Variants in ANO5 observed in about 807,000 individuals in gnomAD.
ANO5 encodes the protein anoctamin 5.
Under a neutral mutation model 121.0 loss-of-function variants are expected in ANO5, and 109 were observed. That is an observed-to-expected ratio of 0.90 (90% CI 0.77 to 1.06). The LOEUF (loss-of-function observed/expected upper bound fraction) is 1.06. Among genes scored for constraint, ANO5 ranks in the 50% least tolerant of loss-of-function variants. The probability of loss-of-function intolerance (pLI) is 0.00; values close to 1 mark genes in which losing one functional copy is unlikely to be tolerated. For missense variants in ANO5, 1,064 were observed against 1,078.5 expected, an observed-to-expected ratio of 0.99 and a Z score of 0.19; for synonymous variants, 406 against 359.9, an observed-to-expected ratio of 1.13 and a Z score of -1.45.
intron 12 of ANO5, among the ~76,000 whole-genome samples, chr11:22,254,137 C>T (rs770920984): frequency 6.6e-6 from 1 of 151,260 alleles, no homozygotes; most frequent in Non-Finnish European, 1.5e-5. Context: ...AATAAACAAA[C>T]AAAAAAACAA....
chr11:22,232,911 G>A (rs1454837220), intron 7 of ANO5, among the ~76,000 whole-genome samples: 1 of 151,760 alleles, frequency 6.6e-6, no homozygotes, highest in Non-Finnish European at 1.5e-5. Context: ...CTTAAAACAG[G>A]GACAGTTAAA....
chr11:22,200,725 T>C (rs964013246), intron 1 of ANO5, among the ~76,000 whole-genome samples: 1 of 152,166 alleles, frequency 6.6e-6, no homozygotes, highest in African/African-American at 2.4e-5. Context: ...ACAAATATGG[T>C]TTTAATATTA....
At chr11:22,259,936 G>A (rs1308087855) in intron 15 of ANO5, among the ~76,000 whole-genome samples, 195 bp downstream of exon 15, 2 of 129,596 alleles carry the variant, frequency 1.5e-5, no homozygotes, top group African/African-American at 5.4e-5. Flanking sequence ...TAAAGGAAGA[G>A]GCAAAATAAC....
At position 22,262,196 on chromosome 11, in the gene ANO5, A is replaced by G. The variant is rs760875613; in HGVS notation, c.1698A>G (p.Val566=). Reference sequence around the variant, plus strand: ...TGAAAATGTTCCTGTTTCAGTTTGTAAATTTTTACTCATCCTGCTTCTACG... The same window carrying G: ...TGAAAATGTTCCTGTTTCAGTTTGTGAATTTTTACTCATCCTGCTTCTACG... ...LTLKMFLFQF[V]NFYSSCFYVA... The change falls in exon 16 of 22, where the codon GTA becomes GTG. Residue 566 remains valine (V), a synonymous_variant. Coordinates refer to ENST00000324559, the MANE Select transcript of ANO5 (RefSeq NM_213599.3). The G allele has an allele frequency of 1.4e-5, 23 of 1,613,872 alleles. No individual in the cohort carries two copies. The highest frequency in any genetic ancestry group is 2.7e-5 in the African/African-American group (2 of 74,928).
chr11:22,250,713 T>C (rs759713557), intron 10 of ANO5, 28 bp from the exon 11 acceptor site: 1 of 1,600,718 alleles, frequency 6.2e-7, no homozygotes, highest in South Asian at 1.1e-5. Context: ...CCTATCACTG[T>C]TCAATAACTT....
chr11:22,230,125 C>G (rs78899074), intron 7 of ANO5, among the ~76,000 whole-genome samples: 3 of 151,730 alleles, frequency 2.0e-5, no homozygotes, highest in Non-Finnish European at 4.4e-5. Flanking sequence ...TGTGTTTACA[C>G]CTTTTATTGT....
chr11:22,270,468 C>G, intron 18 of ANO5, 26 bp downstream of exon 18: 2 of 1,613,426 alleles, frequency 1.2e-6, no homozygotes, highest in Middle Eastern at 1.7e-4. Context: ...TGTTTTGAAA[C>G]ATAGAGTTGG....
At position 22,227,452 on chromosome 11, in the gene ANO5, C is replaced by T; in HGVS notation, c.514C>T (p.Pro172Ser). 1 of 1,613,548 alleles carries T rather than the reference C, an allele frequency of 6.2e-7. No homozygotes were observed. The highest frequency in any genetic ancestry group is 8.5e-7 in the Non-Finnish European group (1 of 1,179,782). The change falls in exon 7 of 22, where the codon CCT becomes TCT. Residue 172 changes from proline to serine, a missense_variant. Physicochemically the swap from Pro to Ser is moderately conservative, Grantham distance 74. Transcript: ENST00000324559. ...CACTCCTATAAGCTATGTGCTTGGACCTGTAAGACTCCCACTGAGTGTGAA... is the reference window on the plus strand; with the variant it reads ...CACTCCTATAAGCTATGTGCTTGGATCTGTAAGACTCCCACTGAGTGTGAA... The part of the protein sequence containing the change: ...KHTPISYVLG[P>S]VRLPLSVKYP...
intron 19 of ANO5, 109 bp downstream of exon 19, chr11:22,273,098 A>G: frequency 2.5e-6 from 3 of 1,214,830 alleles, no homozygotes; most frequent in Non-Finnish European, 3.6e-6. Flanking sequence ...GATACTTTAT[A>G]AAGCTAAAAC....
chr11:22,202,156 G>GTTTTTTGTTTTTTTTTTTT (rs1851984130), intron 1 of ANO5, among the ~76,000 whole-genome samples: 1 of 150,272 alleles, frequency 6.7e-6, no homozygotes, highest in African/African-American at 2.5e-5. Context: ...CCATAAATCT[G>GTTTTTTGTTTTTTTTTTTT]CTTTTTAAAA....
intron 9 of ANO5, 143 bp downstream of exon 9, chr11:22,239,827 A>G: frequency 2.9e-6 from 2 of 678,862 alleles, no homozygotes; most frequent in South Asian, 3.2e-5. Context: ...TAAATTAGCA[A>G]TTCATTTAGG....
At chr11:22,214,166 A>AGT (rs1300180407) in intron 3 of ANO5, among the ~76,000 whole-genome samples, 1 of 151,802 alleles carries the variant, frequency 6.6e-6, no homozygotes, top group Non-Finnish European at 1.5e-5. Context: ...CAGCTTCCTG[A>AGT]GTGGTTGGAA....
intron 4 of ANO5, among the ~76,000 whole-genome samples, chr11:22,218,583 CAG>C (rs1852540238): frequency 6.6e-6 from 1 of 152,046 alleles, no homozygotes; most frequent in Non-Finnish European, 1.5e-5. Context: ...TGTTTTCACA[CAG>C]AGTCTTACTC....
chr11:22,234,877 T>G (rs1270518199), intron 7 of ANO5, among the ~76,000 whole-genome samples: 1 of 152,130 alleles, frequency 6.6e-6, no homozygotes, highest in African/African-American at 2.4e-5. Flanking sequence ...TGACCTGACT[T>G]GACCAAACTT....
intron 2 of ANO5, among the ~76,000 whole-genome samples, chr11:22,209,619 T>A (rs958527070): frequency 5.3e-5 from 8 of 151,964 alleles, no homozygotes; most frequent in Non-Finnish European, 4.4e-5. Flanking sequence ...AATGCTGTTT[T>A]AAGAATTGTG....
chr11:22,203,498 CAGT>C (rs2133519194), intron 1 of ANO5, among the ~76,000 whole-genome samples: 1 of 152,152 alleles, frequency 6.6e-6, no homozygotes, highest in African/African-American at 2.4e-5. Flanking sequence ...ATTTAACTCT[CAGT>C]GGTTTTGTGG....
intron 6 of ANO5, among the ~76,000 whole-genome samples, chr11:22,226,499 A>G (rs1413526412): frequency 3.9e-5 from 6 of 152,030 alleles, no homozygotes; most frequent in African/African-American, 1.2e-4. Flanking sequence ...TTGTTTTTAA[A>G]GGCCTATTTA....
Position 22,272,937 on chromosome 11 carries a change from G to A in ANO5, c.2183G>A (p.Gly728Asp), listed in dbSNP as rs756936956. ...GTAGCTTCTAAAGCTCATAGCATAG[G>A]TGTTTGGCAAGACATTCTTTATGGA... The part of the protein sequence containing the change: ...RTVASKAHSI[G>D]VWQDILYGMA... Residue 728 changes from glycine (G) to aspartate (D), a missense_variant, in exon 19 of 22, where the codon GGT becomes GAT. Coordinates refer to ENST00000324559, the MANE Select transcript of ANO5 (RefSeq NM_213599.3). 2.5e-6 allele frequency: 4 copies of A among 1,614,018 alleles called. No homozygotes were observed. Among genetic ancestry groups the A allele is most frequent in the Middle Eastern group, 1.6e-4 (1 of 6,062 alleles).
chr11:22,251,523 AT>A (rs1461123101), intron 12 of ANO5, among the ~76,000 whole-genome samples: 1 of 152,210 alleles, frequency 6.6e-6, no homozygotes, highest in Non-Finnish European at 1.5e-5. Context: ...AGGACTTCAT[AT>A]TTTAACCATT....
Sources: gnomAD v4.1 joint callset for allele counts (sites outside exome capture counted in the v4.1 genomes callset) on GRCh38, gnomAD v4.1.1 for gene constraint, MANE v1.5 for transcripts, NCBI Gene and HGNC (gene_info 2026-07-23, HGNC 2026-07-21) for gene names.